Variants in CLPB observed in about 807,000 individuals in gnomAD.
The protein encoded by CLPB is ClpB family mitochondrial disaggregase.
CLPB carries 40 observed loss-of-function variants against 78.4 expected under a neutral mutation model. That is an observed-to-expected ratio of 0.51 (90% CI 0.40 to 0.66). CLPB has a LOEUF of 0.66. Ranked by LOEUF, CLPB falls within the 30% of genes least tolerant of loss-of-function variation. The pLI is 0.00. For synonymous variants in CLPB, 333 were observed against 348.0 expected (o/e 0.96, Z 0.48); for missense variants, 780 against 886.9 (o/e 0.88, Z 1.53).
chr11:72,365,203 G>A (rs962523573), intron 4 of CLPB, among the ~76,000 whole-genome samples: 4 of 152,132 alleles, frequency 2.6e-5, no homozygotes, highest in Admixed American at 1.3e-4. Flanking sequence ...CATGCTTGTG[G>A]TCCTAGCAAC....
At chr11:72,319,742 T>C (rs1462204291) in intron 6 of CLPB, among the ~76,000 whole-genome samples, 1 of 152,258 alleles carries the variant, frequency 6.6e-6, no homozygotes, top group Non-Finnish European at 1.5e-5. Flanking sequence ...GCAGAGTCTC[T>C]GGCACATAGC....
chr11:72,311,497 C>T (rs1949846241), intron 7 of CLPB, among the ~76,000 whole-genome samples: 1 of 152,142 alleles, frequency 6.6e-6, no homozygotes, highest in Non-Finnish European at 1.5e-5. Context: ...GTTAGGTGAC[C>T]TGCTTAAGGT....
At chr11:72,357,841 G>T (rs778543769) in intron 5 of CLPB, among the ~76,000 whole-genome samples, 1 of 152,098 alleles carries the variant, frequency 6.6e-6, no homozygotes, top group Non-Finnish European at 1.5e-5. Flanking sequence ...CATCAGAGTG[G>T]CCCAGAGACC....
Position 72,329,768 on chromosome 11 carries a change from G to T in CLPB, c.812C>A (p.Thr271Lys). 6.2e-7 allele frequency: 1 copy of T among 1,613,970 alleles called. No individual in the cohort carries two copies. The highest frequency in any genetic ancestry group is 8.5e-7 in the Non-Finnish European group (1 of 1,179,928). The part of the protein sequence containing the change: ...NPLQRNEMGH[T>K]PLDYAREGEV... ...CCCTTCTCGGGCATAATCCAAGGGT[G>T]TGTGTCCCATTTCATTCCTCTGCAG... The change falls in exon 6 of 16, where the codon ACA becomes AAA. Residue 271 changes from threonine to lysine, a missense_variant. Coordinates refer to ENST00000538039, the MANE Select transcript of CLPB (RefSeq NM_001258392.3).
chr11:72,297,641 GTGT>G lies in CLPB; in HGVS notation c.1330-1996_1330-1994del, dbSNP rs1949576282. 1.1e-4 allele frequency among the ~76,000 whole-genome samples: 4 copies of G among 35,926 alleles called. No individual in the cohort carries two copies. In the African/African-American group the frequency reaches 1.3e-3, roughly 12 times the overall value. The allele number at this position is 35,926 out of a possible 152,430, so 23.6% of individuals were successfully genotyped here. ...AGTTCTAGTTTTGGGGACCAGGTGTGTGTGTGTGTGTGTGTGTGTGTGTGTGTG... is the reference window on the plus strand; with the variant it reads ...AGTTCTAGTTTTGGGGACCAGGTGTGGTGTGTGTGTGTGTGTGTGTGTGTG... On this transcript the variant is annotated intron_variant, in intron 11 of 15. Transcript: ENST00000538039.
At chr11:72,391,048 C>A (rs556908839) in intron 3 of CLPB, among the ~76,000 whole-genome samples, 1 of 152,062 alleles carries the variant, frequency 6.6e-6, no homozygotes, top group Non-Finnish European at 1.5e-5. Flanking sequence ...GTGTTGAAGT[C>A]CTATCTCTTT....
chr11:72,426,994 G>A (rs1030684649), intron 2 of CLPB, among the ~76,000 whole-genome samples: 1 of 152,126 alleles, frequency 6.6e-6, no homozygotes, highest in African/African-American at 2.4e-5. Flanking sequence ...AGAGGCAAAG[G>A]AAGATGAGAT....
intron 2 of CLPB, among the ~76,000 whole-genome samples, chr11:72,419,933 T>C (rs1002916647): frequency 6.6e-6 from 1 of 152,252 alleles, no homozygotes; most frequent in Admixed American, 6.5e-5. Context: ...GTGCCACACA[T>C]AGTAGGCACT....
rs1949864792 is a variant in CLPB at position 72,312,468 on chromosome 11, T to C, written c.989-3864A>G. Among the ~76,000 whole-genome samples, 1 of 152,190 alleles carries C rather than the reference T, an allele frequency of 6.6e-6. No homozygotes were observed. The highest frequency in any genetic ancestry group is 2.4e-5 in the African/African-American group (1 of 41,448). On this transcript the variant is annotated intron_variant, in intron 7 of 15. Coordinates refer to ENST00000538039, the MANE Select transcript of CLPB (RefSeq NM_001258392.3). The surrounding 1 kb of genome is among the most constrained non-coding windows in gnomAD (Gnocchi z 4.2). Reference sequence around the variant, plus strand: ...GGAGGGTGTGCCCCCAATCTGACCATATTCCATGGGAGCAGGTGCTGGGTG... The same window carrying C: ...GGAGGGTGTGCCCCCAATCTGACCACATTCCATGGGAGCAGGTGCTGGGTG...
At chr11:72,328,026 T>C (rs960555281) in intron 6 of CLPB, among the ~76,000 whole-genome samples, 61 of 152,334 alleles carry the variant, frequency 4.0e-4, no homozygotes, top group African/African-American at 1.4e-3. Context: ...TTTCCAGCTC[T>C]CCCATTCTAG....
intron 5 of CLPB, among the ~76,000 whole-genome samples, chr11:72,358,581 T>C (rs1950766977): frequency 6.6e-6 from 1 of 152,010 alleles, no homozygotes; most frequent in African/African-American, 2.4e-5. Flanking sequence ...TCTCACAGCA[T>C]ACACAGACAG....
intron 2 of CLPB, among the ~76,000 whole-genome samples, chr11:72,411,314 G>A (rs138790463): frequency 5.3e-5 from 8 of 152,340 alleles, no homozygotes; most frequent in African/African-American, 1.9e-4. Context: ...ATATGTAGGA[G>A]GGTGTGAGTG....
rs150404541 is a variant in CLPB at position 72,402,975 on chromosome 11, C to T, written c.533G>A (p.Arg178Gln). ...GAAGGTGGTCTCTCACCTGTTGTTTCGGTTGATGGCTGCCACCATGAGTGC... is the reference window on the plus strand; with the variant it reads ...GAAGGTGGTCTCTCACCTGTTGTTTTGGTTGATGGCTGCCACCATGAGTGC... Reference protein sequence around the residue: ...WTALMVAAINRNNSVVQVLLA... With the variant: ...WTALMVAAINQNNSVVQVLLA... Residue 178 changes from arginine (R) to glutamine (Q), a missense_variant, in exon 3 of 16, where the codon CGA (arginine) becomes CAA (glutamine). Arg to Gln is a conservative substitution (Grantham distance 43). This residue lies in a region of CLPB where 417 missense variants were observed against 414.7 expected (regional missense o/e 1.01). Transcript: ENST00000538039. The T allele has an allele frequency of 5.6e-6, 9 of 1,613,840 alleles. No individual in the cohort carries two copies. The highest frequency in any genetic ancestry group is 2.7e-5 in the African/African-American group (2 of 75,038).
intron 3 of CLPB, among the ~76,000 whole-genome samples, chr11:72,381,705 G>C (rs1006726539): frequency 3.3e-5 from 5 of 151,850 alleles, no homozygotes; most frequent in Non-Finnish European, 5.9e-5. Context: ...CAGCCTCCAG[G>C]TCCACCCCAG....
chr11:72,308,054 C>T (rs1450409509), intron 8 of CLPB, among the ~76,000 whole-genome samples: 1 of 152,156 alleles, frequency 6.6e-6, no homozygotes, highest in Non-Finnish European at 1.5e-5. Flanking sequence ...ATAATCCAGC[C>T]CAACTGGCTA....
chr11:72,324,855 T>C (rs1950104210), intron 6 of CLPB, among the ~76,000 whole-genome samples: 1 of 152,204 alleles, frequency 6.6e-6, no homozygotes, highest in African/African-American at 2.4e-5. Context: ...GCTCTCAGCC[T>C]GGAATGCGGG....
chr11:72,298,474 A>C (rs1779637191), intron 11 of CLPB, among the ~76,000 whole-genome samples: 1 of 152,176 alleles, frequency 6.6e-6, no homozygotes, highest in Non-Finnish European at 1.5e-5. Flanking sequence ...TCATGAATAA[A>C]TGAATGAGCC....
At chr11:72,371,782 C>G (rs557315829) in intron 4 of CLPB, among the ~76,000 whole-genome samples, 3 of 152,112 alleles carry the variant, frequency 2.0e-5, no homozygotes, top group African/African-American at 7.2e-5. Flanking sequence ...CACCTGTCAA[C>G]CCTCCATACA....
At chr11:72,297,700 T>TGC (rs1555085590) in intron 11 of CLPB, among the ~76,000 whole-genome samples, 6 of 121,966 alleles carry the variant, frequency 4.9e-5, no homozygotes, top group Non-Finnish European at 1.0e-4. Flanking sequence ...TGTGTGTGTG[T>TGC]GTGACATGTC....
Sources: gnomAD v4.1 joint callset for allele counts (sites outside exome capture counted in the v4.1 genomes callset) on GRCh38, gnomAD v4.1.1 for gene constraint, gnomAD v4.1.1 regional missense constraint, Gnocchi (gnomAD v3.1) non-coding constraint, MANE v1.5 for transcripts, NCBI Gene and HGNC (gene_info 2026-07-23, HGNC 2026-07-21) for gene names.